The following PLA2R1 variants were observed in gnomAD, a reference collection of about 807,000 sequenced individuals.
The protein encoded by PLA2R1 is secretory phospholipase A2 receptor.
Under a neutral mutation model 195.9 loss-of-function variants are expected in PLA2R1, and 158 were observed. That is an observed-to-expected ratio of 0.81 (90% CI 0.71 to 0.92). PLA2R1 has a LOEUF of 0.92. Among genes scored for constraint, PLA2R1 ranks in the 40% least tolerant of loss-of-function variants. The pLI is 0.00. For synonymous variants in PLA2R1, 586 were observed against 598.2 expected, an observed-to-expected ratio of 0.98 and a Z score of 0.30; for missense variants, 1,626 against 1,764.6, an observed-to-expected ratio of 0.92 and a Z score of 1.41.
Position 160,033,127 on chromosome 2 carries a change from C to G in PLA2R1, c.673G>C (p.Ala225Pro). ...KWGFCPDPTS[A>P]EVGCDTIWEK... ...CAAATAGTATCACAACCTACTTCTG[C>G]AGAGGCTGGAAACAATGGCCATTAA... Residue 225 changes from alanine to proline, a missense_variant, in exon 4 of 30, where the codon GCA becomes CCA. By Grantham distance (27) the Ala-to-Pro change is conservative. Coordinates refer to ENST00000283243, the MANE Select transcript of PLA2R1 (RefSeq NM_007366.5). 1 of 1,608,852 alleles carries G rather than the reference C, an allele frequency of 6.2e-7. No individual in the cohort carries two copies. Among genetic ancestry groups the G allele is most frequent in the Non-Finnish European group, 8.5e-7 (1 of 1,178,038 alleles).
chr2:159,930,428 C>T (rs929124837), downstream of PLA2R1, among the ~76,000 whole-genome samples: 2 of 150,176 alleles, frequency 1.3e-5, no homozygotes, highest in African/African-American at 4.9e-5. Context: ...AAAAAGACTA[C>T]ACATTGGTTA....
In PLA2R1 at chr2:159,937,103, A is replaced by G. The variant is rs1429655645; in HGVS notation, c.*4675T>C. 1 of 152,150 alleles carries G rather than the reference A, an allele frequency of 6.6e-6. No individual in the cohort carries two copies. The highest frequency in any genetic ancestry group is 1.5e-5 in the Non-Finnish European group (1 of 68,034). 9.4% of individuals were successfully genotyped at this position (152,150 alleles called of 1,614,324 possible). On this transcript the variant is annotated 3_prime_UTR_variant, in exon 30 of 30. Transcript: ENST00000283243. ...GTTCTCCTTCAGTTTTTTTTAAAGC[A>G]TAGAAGTGGAAACACCCTACTTGCA...
chr2:159,946,743 C>A (rs1223973090), intron 27 of PLA2R1, 58 bp downstream of exon 27: 1 of 1,506,692 alleles, frequency 6.6e-7, no homozygotes, highest in African/African-American at 1.4e-5. Context: ...ATGCCATTAT[C>A]ATCAGCTTTA....
intron 1 of PLA2R1, among the ~76,000 whole-genome samples, chr2:160,049,768 G>GTGAGCCA (rs1383217640): frequency 6.6e-6 from 1 of 152,200 alleles, no homozygotes; most frequent in African/African-American, 2.4e-5. Context: ...GGAGGCTGCA[G>GTGAGCCA]TGAGCCAAGA....
chr2:160,023,411 T>C (rs1267192407), intron 6 of PLA2R1, among the ~76,000 whole-genome samples: 1 of 152,206 alleles, frequency 6.6e-6, no homozygotes, highest in Non-Finnish European at 1.5e-5. Context: ...TTATAATGTA[T>C]TAGCATGCTA....
Position 159,939,233 on chromosome 2 carries a change from T to G in PLA2R1, c.*2545A>C, listed in dbSNP as rs574309599. On this transcript the variant is annotated 3_prime_UTR_variant, in exon 30 of 30. Coordinates refer to ENST00000283243, the MANE Select transcript of PLA2R1 (RefSeq NM_007366.5). ...CATTAAAAATACAGATGAGGCCAGG[T>G]GCGGTGGCTCATGCCTGTAATCTTA... The G allele has an allele frequency of 6.6e-6, 1 of 151,958 alleles. No individual in the cohort carries two copies. Among genetic ancestry groups the G allele is most frequent in the East Asian group, 1.9e-4 (1 of 5,178 alleles). 9.4% of individuals were successfully genotyped at this position (151,958 alleles called of 1,614,324 possible).
chr2:160,033,251 A>G (rs1337283074), intron 3 of PLA2R1, 119 bp from the exon 4 acceptor site: 1 of 687,064 alleles, frequency 1.5e-6, no homozygotes, highest in South Asian at 2.4e-5. Flanking sequence ...TCAGGGCCTT[A>G]TCTATTCTTG....
chr2:159,977,631 C>T (rs1689663693), intron 14 of PLA2R1, among the ~76,000 whole-genome samples: 1 of 151,856 alleles, frequency 6.6e-6, no homozygotes, highest in African/African-American at 2.4e-5. Context: ...TTTTAAAAAA[C>T]AAAAACAAAA....
At chr2:159,967,775 C>T in intron 19 of PLA2R1, 97 bp from the exon 20 acceptor site, 2 of 998,800 alleles carry the variant, frequency 2.0e-6, no homozygotes, top group Non-Finnish European at 2.8e-6. Flanking sequence ...TATGGTTTTT[C>T]ATAATTTATT....
At chr2:160,000,071 G>A (rs1021392915) in intron 11 of PLA2R1, among the ~76,000 whole-genome samples, 4 of 152,108 alleles carry the variant, frequency 2.6e-5, no homozygotes, top group Non-Finnish European at 5.9e-5. Context: ...TACCCTAAAG[G>A]TTTCTTTCCA....
chr2:160,020,288 T>C, intron 7 of PLA2R1, 25 bp from the exon 8 acceptor site: 1 of 1,569,110 alleles, frequency 6.4e-7, no homozygotes, highest in African/African-American at 1.4e-5. Context: ...TGTAAATTAC[T>C]TATGGGATCC....
chr2:159,946,102 A>T, intron 27 of PLA2R1: 1 of 801,458 alleles, frequency 1.2e-6, no homozygotes, highest in Non-Finnish European at 1.5e-6. Context: ...AGTCCATCCC[A>T]TGTGTGGGCA....
chr2:160,029,670 G>T (rs1693739401), intron 4 of PLA2R1, among the ~76,000 whole-genome samples: 1 of 152,232 alleles, frequency 6.6e-6, no homozygotes, highest in South Asian at 2.1e-4. Context: ...CAAAATTAAA[G>T]AATTATGGGA....
At chr2:160,050,283 C>A (rs921654440) in intron 1 of PLA2R1, among the ~76,000 whole-genome samples, 2 of 152,154 alleles carry the variant, frequency 1.3e-5, no homozygotes, top group Admixed American at 1.3e-4. Flanking sequence ...GGAGTGTGCA[C>A]ACACATGTAC....
chr2:159,978,890 A>G (rs544621351), intron 14 of PLA2R1, among the ~76,000 whole-genome samples: 1 of 152,280 alleles, frequency 6.6e-6, no homozygotes, highest in African/African-American at 2.4e-5. Flanking sequence ...TATTTTGCCA[A>G]TCATGAGATA....
Position 160,062,292 on chromosome 2 carries a change from C to T in PLA2R1, c.109+3G>A, listed in dbSNP as rs1429487278. The T allele has an allele frequency of 2.0e-5, 30 of 1,485,846 alleles. No homozygotes were observed. Among genetic ancestry groups the T allele is most frequent in the Non-Finnish European group, 2.6e-5 (29 of 1,117,470 alleles). 92.0% of individuals were successfully genotyped at this position (1,485,846 alleles called of 1,614,324 possible). A position where few individuals can be genotyped will look rare whatever the true frequency, so the allele number is the denominator to read the frequency against. The stretch of plus-strand genomic sequence containing the variant: ...ATCCAGTCCCCGACCCTGGGAGACT[C>T]ACCCTGCCACTCCAGGAGCCGCTCG... On this transcript the variant is annotated splice_donor_region_variant and intron_variant, in intron 1 of 29. Transcript: ENST00000283243.
Position 159,951,504 on chromosome 2 carries a change from A to G in PLA2R1, c.3376T>C (p.Tyr1126His), listed in dbSNP as rs1687743441. 3 of 1,610,222 alleles carry G rather than the reference A, an allele frequency of 1.9e-6. No homozygotes were observed. The African/African-American group carries it at 4.0e-5, about 21-fold the overall frequency. Reference protein sequence around the residue: ...PNTLEYGNRTYKIINANMTWY... With the variant: ...PNTLEYGNRTHKIINANMTWY... The stretch of plus-strand genomic sequence containing the variant: ...GTCATATTTGCATTAATTATTTTGT[A>G]AGTTCTGTTTCCATATTCTAAGGTA... The change falls in exon 24 of 30, where the codon TAC becomes CAC. Residue 1126 changes from tyrosine to histidine, a missense_variant. By Grantham distance (83) the Tyr-to-His change is moderately conservative. Transcript: ENST00000283243.
At chr2:160,040,049 G>A (rs1342371873) in intron 3 of PLA2R1, among the ~76,000 whole-genome samples, 1 of 151,618 alleles carries the variant, frequency 6.6e-6, no homozygotes, top group African/African-American at 2.4e-5. Context: ...CCTCTATTGG[G>A]GATGGAAAAG....
chr2:160,007,922 T>G (rs1221322915), intron 10 of PLA2R1, among the ~76,000 whole-genome samples: 1 of 152,236 alleles, frequency 6.6e-6, no homozygotes, highest in Admixed American at 6.5e-5. Context: ...CAAGGAACCC[T>G]GAATAGCCAA....
Sources: allele counts gnomAD v4.1 joint callset (sites outside exome capture counted in the v4.1 genomes callset), GRCh38; gene constraint gnomAD v4.1.1; transcripts MANE v1.5; gene names NCBI Gene and HGNC (gene_info 2026-07-23, HGNC 2026-07-21).